TMEM117: variants seen among roughly 807,000 people sequenced by gnomAD.
TMEM117 encodes the protein transmembrane protein 117.
In TMEM117, 27 loss-of-function variants were observed where a neutral mutation model predicts 52.4. The ratio of observed to expected loss-of-function variants is 0.51; its 90% CI spans 0.38 to 0.71. TMEM117 has a LOEUF of 0.71. TMEM117 is among the 30% of genes least tolerant of loss of function. The pLI is 0.00. For missense variants in TMEM117, 556 were observed against 630.5 expected (o/e 0.88, Z 1.26); for synonymous variants, 215 against 206.3 (o/e 1.04, Z -0.36).
chr12:43,827,905 A>G, the TMEM117 span, among the ~76,000 whole-genome samples: 1 of 152,202 alleles, frequency 6.6e-6, no homozygotes, highest in South Asian at 2.1e-4. Flanking sequence ...ATTTGAACAC[A>G]CAGACACAGA....
chr12:43,997,996 ACTGCATAGG>A (rs563601545), intron 3 of TMEM117, among the ~76,000 whole-genome samples: 1 of 152,360 alleles, frequency 6.6e-6, no homozygotes, highest in African/African-American at 2.4e-5. Flanking sequence ...GGTTCTCACA[ACTGCATAGG>A]GAGAGGGAGA....
At chr12:44,353,946 A>AT (rs1267708958) in intron 6 of TMEM117, among the ~76,000 whole-genome samples, 1 of 152,156 alleles carries the variant, frequency 6.6e-6, no homozygotes, top group African/African-American at 2.4e-5. Flanking sequence ...ATGTTCTTCT[A>AT]TTTGTTTGTA....
At chr12:44,141,637 C>A (rs982717648) in intron 3 of TMEM117, among the ~76,000 whole-genome samples, 2 of 152,114 alleles carry the variant, frequency 1.3e-5, no homozygotes, top group African/African-American at 4.8e-5. Context: ...GGGCATTGAA[C>A]AAGTTCTTCA....
chr12:44,127,060 C>G (rs1194653614), intron 3 of TMEM117, among the ~76,000 whole-genome samples: 2 of 152,190 alleles, frequency 1.3e-5, no homozygotes, highest in African/African-American at 2.4e-5. Flanking sequence ...AGTCTGTTGA[C>G]TTCTCAATGA....
chr12:44,038,192 C>T (rs1423393580), intron 3 of TMEM117, among the ~76,000 whole-genome samples: 1 of 152,120 alleles, frequency 6.6e-6, no homozygotes, highest in African/African-American at 2.4e-5. Flanking sequence ...CCTTGCTTGC[C>T]TTGTTGCAGG....
intron 2 of TMEM117, among the ~76,000 whole-genome samples, chr12:43,857,136 C>T (rs1943414454): frequency 2.0e-5 from 3 of 152,256 alleles, no homozygotes; most frequent in South Asian, 2.1e-4. Flanking sequence ...CATCCATTAG[C>T]GCTAAAGGGC....
At chr12:44,171,050 C>T (rs1015288838) in intron 4 of TMEM117, among the ~76,000 whole-genome samples, 20 of 139,882 alleles carry the variant, frequency 1.4e-4, no homozygotes, top group African/African-American at 5.4e-4. Flanking sequence ...GAGTCTCGCT[C>T]TGTCGCCCAG....
intron 2 of TMEM117, among the ~76,000 whole-genome samples, chr12:43,943,952 T>G (rs918784014): frequency 2.6e-5 from 4 of 152,268 alleles, no homozygotes; most frequent in Non-Finnish European, 2.9e-5. Context: ...ATGAACTATC[T>G]CTGAACACTA....
chr12:44,296,386 C>T (rs1592673841), intron 5 of TMEM117, among the ~76,000 whole-genome samples: 1 of 152,140 alleles, frequency 6.6e-6, no homozygotes, highest in Admixed American at 6.5e-5. Context: ...TTAGGTCTCT[C>T]TCCAGGGTCA....
chr12:43,834,694 AT>A (rs1943003841), upstream of TMEM117, among the ~76,000 whole-genome samples: 1 of 152,188 alleles, frequency 6.6e-6, no homozygotes, highest in African/African-American at 2.4e-5. Flanking sequence ...TTCGGTTCTG[AT>A]GAACTGAAGC....
At chr12:44,308,009 G>A (rs1340575347) in intron 6 of TMEM117, among the ~76,000 whole-genome samples, 2 of 152,212 alleles carry the variant, frequency 1.3e-5, no homozygotes, top group Non-Finnish European at 2.9e-5. Flanking sequence ...AGTAAATTCT[G>A]TGAGGGATTA....
the TMEM117 span, among the ~76,000 whole-genome samples, chr12:44,395,419 C>T: frequency 6.6e-6 from 1 of 152,202 alleles, no homozygotes; most frequent in Non-Finnish European, 1.5e-5. Context: ...AATTGGTCTT[C>T]CTGGCTCTCA....
Position 44,187,606 on chromosome 12 carries a change from C to T in TMEM117, c.511-23684C>T, listed in dbSNP as rs1949295832. On this transcript the variant is annotated intron_variant, in intron 4 of 7. Transcript: ENST00000266534. ...GAGGAATTTCACAGTCTAATGGAGA[C>T]AATGGATATGTTGCATTTGTGCTGG... 3.3e-5 allele frequency among the ~76,000 whole-genome samples: 5 copies of T among 152,236 alleles called. No homozygotes were observed. In the South Asian group the frequency reaches 8.3e-4, roughly 25 times the overall value.
At chr12:43,852,742 A>G (rs1943332340) in intron 2 of TMEM117, among the ~76,000 whole-genome samples, 1 of 152,268 alleles carries the variant, frequency 6.6e-6, no homozygotes, top group South Asian at 2.1e-4. Flanking sequence ...TAGAACATCA[A>G]GACTGTAATA....
intron 3 of TMEM117, among the ~76,000 whole-genome samples, chr12:43,963,212 T>C (rs1945432023): frequency 6.6e-6 from 1 of 151,154 alleles, no homozygotes; most frequent in Non-Finnish European, 1.5e-5. Context: ...ACTTAATGTA[T>C]TCTAGTATAC....
At chr12:44,074,433 A>G (rs1947349972) in intron 3 of TMEM117, among the ~76,000 whole-genome samples, 1 of 152,218 alleles carries the variant, frequency 6.6e-6, no homozygotes, top group South Asian at 2.1e-4. Flanking sequence ...AATTAAATTT[A>G]CGAAGTCTCA....
At chr12:43,909,678 C>T (rs1290817070) in intron 2 of TMEM117, among the ~76,000 whole-genome samples, 1 of 152,026 alleles carries the variant, frequency 6.6e-6, no homozygotes, top group African/African-American at 2.4e-5. Flanking sequence ...ACTGCTCCCA[C>T]AGAAATGCAA....
rs557380426 is a variant in TMEM117 at position 44,206,792 on chromosome 12, A to G, written c.511-4498A>G. Among the ~76,000 whole-genome samples the G allele has an allele frequency of 9.2e-5, 14 of 152,266 alleles. 1 individual carries two copies. The highest frequency in any genetic ancestry group is 2.6e-4 in the African/African-American group (11 of 41,566). ...ATATGGAGGCACAATGATGGGAACA[A>G]CAGACACAAGGGCCTACTTGAGTGG... is the stretch of plus-strand genomic sequence containing the variant. On this transcript the variant is annotated intron_variant, in intron 4 of 7. Coordinates refer to ENST00000266534, the MANE Select transcript of TMEM117 (RefSeq NM_032256.3).
chr12:43,946,033 A>C (rs1353768058), intron 3 of TMEM117, among the ~76,000 whole-genome samples: 3 of 152,264 alleles, frequency 2.0e-5, no homozygotes, highest in Non-Finnish European at 2.9e-5. Context: ...GATTTTAGAT[A>C]AAATGTTCAG....
Sources: allele counts gnomAD v4.1 joint callset (sites outside exome capture counted in the v4.1 genomes callset), GRCh38; gene constraint gnomAD v4.1.1; transcripts MANE v1.5; gene names NCBI Gene and HGNC (gene_info 2026-07-23, HGNC 2026-07-21).